Variants in FLT1 observed in about 807,000 individuals in gnomAD.
FLT1 encodes the protein vascular endothelial growth factor receptor 1.
Under a neutral mutation model 156.3 loss-of-function variants are expected in FLT1, and 49 were observed. The observed-to-expected ratio is 0.31, with a 90% CI of 0.25 to 0.40. The LOEUF (loss-of-function observed/expected upper bound fraction) is 0.40, where lower values mean the gene tolerates loss of function less well. Ranked by LOEUF, FLT1 falls within the 10% of genes least tolerant of loss-of-function variation. FLT1 has a pLI of 1.00. For missense variants in FLT1, 1,322 were observed against 1,637.2 expected (o/e 0.81, Z 3.32); for synonymous variants, 594 against 583.8 (o/e 1.02, Z -0.25).
intron 3 of FLT1, among the ~76,000 whole-genome samples, chr13:28,444,769 A>G (rs557406850): frequency 2.4e-3 from 360 of 152,318 alleles, no homozygotes; most frequent in Non-Finnish European, 4.1e-3. Context: ...TAAATAATCA[A>G]TGGGTCAAAG....
chr13:28,473,671 A>T (rs71433271), intron 1 of FLT1, among the ~76,000 whole-genome samples: 2 of 118,278 alleles, frequency 1.7e-5, no homozygotes, highest in Admixed American at 9.2e-5. Context: ...GAAAGAAAGA[A>T]AGAGAGAGAG....
chr13:28,493,418 A>C lies in FLT1; in HGVS notation c.64+1362T>G, dbSNP rs1403492381. Among the ~76,000 whole-genome samples, 9 of 152,246 alleles carry C rather than the reference A, an allele frequency of 5.9e-5. 1 individual carries two copies. The South Asian group carries it at 1.9e-3, about 32-fold the overall frequency. ...CCGGGTTTAGTAGTTTCTCCAATCTAATTGGAACTATTACTTGTTACTTGG... is the reference window on the plus strand; with the variant it reads ...CCGGGTTTAGTAGTTTCTCCAATCTCATTGGAACTATTACTTGTTACTTGG... On this transcript the variant is annotated intron_variant, in intron 1 of 29. Coordinates refer to ENST00000282397, the MANE Select transcript of FLT1 (RefSeq NM_002019.4).
intron 10 of FLT1, among the ~76,000 whole-genome samples, chr13:28,409,884 G>C (rs1474891433): frequency 6.8e-6 from 1 of 146,110 alleles, no homozygotes. Context: ...AGCTACTTTT[G>C]CATAACATGG....
chr13:28,371,174 C>T (rs1014635882), intron 14 of FLT1, among the ~76,000 whole-genome samples: 5 of 152,024 alleles, frequency 3.3e-5, no homozygotes, highest in African/African-American at 1.2e-4. Flanking sequence ...GCTGGGTTTC[C>T]CATATAAGCC....
At chr13:28,437,624 C>T (rs1165814326) in intron 4 of FLT1, among the ~76,000 whole-genome samples, 2 of 152,152 alleles carry the variant, frequency 1.3e-5, no homozygotes, top group Non-Finnish European at 2.9e-5. Context: ...AGATTCTACC[C>T]TAAATCTTTT....
intron 16 of FLT1, among the ~76,000 whole-genome samples, chr13:28,343,804 G>A (rs890824162): frequency 3.3e-5 from 5 of 151,322 alleles, no homozygotes; most frequent in African/African-American, 7.3e-5. Flanking sequence ...CACCACGCCC[G>A]GCTAATTTTT....
chr13:28,342,488 C>T (rs1872375887), intron 16 of FLT1, among the ~76,000 whole-genome samples: 1 of 152,156 alleles, frequency 6.6e-6, no homozygotes, highest in African/African-American at 2.4e-5. Flanking sequence ...CCTTCTCAAG[C>T]AGTGGACTTA....
chr13:28,374,457 C>CA lies in FLT1; in HGVS notation c.2116+10427dup, dbSNP rs565203958. 1.6e-3 allele frequency among the ~76,000 whole-genome samples: 238 copies of CA among 151,760 alleles called. 1 individual carries two copies. Among genetic ancestry groups the CA allele is most frequent in the Non-Finnish European group, 1.2e-3 (80 of 67,884 alleles). ...CAAAACAAAATATAAAGAAAAAACC[C>CA]AAAAAAACCCTTTTTCTAAAGTGAT... On this transcript the variant is annotated intron_variant, in intron 14 of 29. Transcript: ENST00000282397.
intron 1 of FLT1, among the ~76,000 whole-genome samples, chr13:28,469,005 G>A (rs867655869): frequency 1.3e-5 from 2 of 152,034 alleles, no homozygotes; most frequent in Non-Finnish European, 1.5e-5. Context: ...GATCTCTCTC[G>A]CCTCCTTCCT....
At chr13:28,435,815 A>G (rs1277622938) in intron 4 of FLT1, among the ~76,000 whole-genome samples, 2 of 152,210 alleles carry the variant, frequency 1.3e-5, no homozygotes, top group African/African-American at 4.8e-5. Flanking sequence ...CAATTAAAGG[A>G]TTCGCTTTCA....
chr13:28,482,078 G>C (rs950825157), intron 1 of FLT1, among the ~76,000 whole-genome samples: 1 of 152,154 alleles, frequency 6.6e-6, no homozygotes, highest in Non-Finnish European at 1.5e-5. Context: ...CATGAATCTA[G>C]AATAATGACT....
At chr13:28,359,596 G>A (rs1455584042) in intron 14 of FLT1, among the ~76,000 whole-genome samples, 1 of 152,118 alleles carries the variant, frequency 6.6e-6, no homozygotes, top group African/African-American at 2.4e-5. Context: ...AGAGTGAAGA[G>A]ACAACCTACA....
chr13:28,427,357 AG>A, intron 9 of FLT1, 39 bp from the exon 10 acceptor site: 1 of 1,599,760 alleles, frequency 6.3e-7, no homozygotes, highest in Non-Finnish European at 8.6e-7. Flanking sequence ...AGTCAAGAGC[AG>A]TTCTAATGAC....
intron 10 of FLT1, among the ~76,000 whole-genome samples, chr13:28,408,959 T>C (rs964357505): frequency 3.9e-5 from 6 of 152,226 alleles, no homozygotes; most frequent in Non-Finnish European, 8.8e-5. Context: ...GCTCTGGACC[T>C]GAAACAACTT....
rs1391611550 is a variant in FLT1, at chr13:28,325,731, C to T, written c.2796+1731G>A. Among the ~76,000 whole-genome samples, 3 of 136,812 alleles carry T rather than the reference C, an allele frequency of 2.2e-5. No homozygotes were observed. The Admixed American group carries it at 2.4e-4, about 11-fold the overall frequency. The allele number at this position is 136,812 out of a possible 152,430, so 89.8% of individuals were successfully genotyped here. On this transcript the variant is annotated intron_variant, in intron 20 of 29. Coordinates refer to ENST00000282397, the MANE Select transcript of FLT1 (RefSeq NM_002019.4). The stretch of plus-strand genomic sequence containing the variant: ...TGGGAGGGTAGAGGCAGGAGGATCA[C>T]TTGAACCCAGGAAACGGAGGTTGCA...
rs774212411 is a variant in FLT1, at chr13:28,399,137, C to A, written c.1552-2069G>T. 7 of 1,514,438 alleles carry A rather than the reference C, an allele frequency of 4.6e-6. No individual in the cohort carries two copies. In the African/African-American group the frequency reaches 5.5e-5, roughly 12 times the overall value. 93.8% of individuals were successfully genotyped at this position (1,514,438 alleles called of 1,614,324 possible). On this transcript the variant is annotated intron_variant, in intron 11 of 29. Transcript: ENST00000282397. ...GTGGAAGCTGGAAGACAGGAGAGAT[C>A]GTCAAATACGACTCTGACTCCCTTA...
intron 14 of FLT1, among the ~76,000 whole-genome samples, chr13:28,379,069 G>A (rs191033160): frequency 9.9e-5 from 15 of 152,274 alleles, no homozygotes; most frequent in South Asian, 4.1e-4. Context: ...GGGGCTGGGC[G>A]TGTTGGCTCT....
intron 10 of FLT1, among the ~76,000 whole-genome samples, chr13:28,412,816 A>G (rs1876389627): frequency 6.9e-6 from 1 of 144,148 alleles, no homozygotes; most frequent in Non-Finnish European, 1.5e-5. Flanking sequence ...GGCTCACTGC[A>G]ACCTCTGCCT....
At chr13:28,415,632 G>A (rs898624664) in intron 10 of FLT1, among the ~76,000 whole-genome samples, 1 of 152,148 alleles carries the variant, frequency 6.6e-6, no homozygotes, top group African/African-American at 2.4e-5. Context: ...GTTTATTGAA[G>A]AGACAAGTCA....
Sources: gnomAD v4.1 joint callset for allele counts (sites outside exome capture counted in the v4.1 genomes callset) on GRCh38, gnomAD v4.1.1 for gene constraint, MANE v1.5 for transcripts, NCBI Gene and HGNC (gene_info 2026-07-23, HGNC 2026-07-21) for gene names.